Variants in LHFPL3 observed in about 807,000 individuals in gnomAD.
LHFPL3 encodes the protein LHFPL tetraspan subfamily member 3 protein.
Under a neutral mutation model 19.3 loss-of-function variants are expected in LHFPL3, and 5 were observed. That is an observed-to-expected ratio of 0.26 (90% CI 0.14 to 0.54). The LOEUF (loss-of-function observed/expected upper bound fraction) is 0.54, where lower values mean the gene tolerates loss of function less well. Among genes scored for constraint, LHFPL3 ranks in the 20% least tolerant of loss-of-function variants. LHFPL3 has a pLI of 0.94. For synonymous variants in LHFPL3, 133 were observed against 126.2 expected, an observed-to-expected ratio of 1.05 and a Z score of -0.36; for missense variants, 249 against 307.4, an observed-to-expected ratio of 0.81 and a Z score of 1.42.
chr7:104,614,385 C>A (rs537634885), intron 1 of LHFPL3, among the ~76,000 whole-genome samples: 3 of 152,198 alleles, frequency 2.0e-5, no homozygotes, highest in African/African-American at 7.2e-5. Context: ...TGATTTAATA[C>A]CTGTGTCCCT....
At chr7:104,430,434 A>ACATG (rs1562895281) in intron 1 of LHFPL3, among the ~76,000 whole-genome samples, 3 of 14,326 alleles carry the variant, frequency 2.1e-4, no homozygotes, top group African/African-American at 8.4e-4. Flanking sequence ...ATATATATAT[A>ACATG]TATATATATA....
chr7:104,843,121 G>T lies in LHFPL3; in HGVS notation c.683-63066G>T, dbSNP rs73417662. On this transcript the variant is annotated intron_variant, in intron 2 of 2. Coordinates refer to ENST00000424859, the MANE Select transcript of LHFPL3 (RefSeq NM_199000.3). ...CCCTTCCTGCAGCGTGGGGCAAGCT[G>T]TACTTGACATAGTGAGAGGCTGCCC... is the stretch of plus-strand genomic sequence containing the variant. 6.0e-3 allele frequency among the ~76,000 whole-genome samples: 910 copies of T among 152,330 alleles called. 13 individuals carry two copies. Among genetic ancestry groups the T allele is most frequent in the African/African-American group, 0.021 (876 of 41,560 alleles).
At chr7:104,442,627 T>C (rs1562898938) in intron 1 of LHFPL3, among the ~76,000 whole-genome samples, 1 of 152,242 alleles carries the variant, frequency 6.6e-6, no homozygotes, top group Non-Finnish European at 1.5e-5. Flanking sequence ...GATGATTCTC[T>C]GAATATTTCT....
At chr7:104,833,171 T>C (rs1486623835) in intron 2 of LHFPL3, among the ~76,000 whole-genome samples, 1 of 105,354 alleles carries the variant, frequency 9.5e-6, no homozygotes, top group African/African-American at 3.8e-5. Context: ...TTGTGGGAAC[T>C]TGTGATCATG....
intron 1 of LHFPL3, among the ~76,000 whole-genome samples, chr7:104,522,960 C>CTA (rs898628354): frequency 6.8e-5 from 9 of 132,276 alleles, no homozygotes; most frequent in African/African-American, 2.3e-4. Context: ...CTGTCTCTCT[C>CTA]TCTATATATA....
intron 1 of LHFPL3, chr7:104,668,723 C>CT (rs925536235): frequency 1.3e-6 from 2 of 1,577,618 alleles, no homozygotes; most frequent in East Asian, 2.3e-5. Context: ...GAGGTCCCCC[C>CT]CCCCCCAAAG....
At chr7:104,430,857 T>C (rs1022369763) in intron 1 of LHFPL3, among the ~76,000 whole-genome samples, 3 of 152,074 alleles carry the variant, frequency 2.0e-5, no homozygotes, top group Admixed American at 1.3e-4. Flanking sequence ...TCTTTGCAGG[T>C]GCATAATGTG....
chr7:104,668,547 G>A (rs971789400), intron 1 of LHFPL3: 2 of 1,613,134 alleles, frequency 1.2e-6, no homozygotes, highest in Non-Finnish European at 1.7e-6. Context: ...TAGAGGCTAT[G>A]ATTCCCGGAT....
chr7:104,608,957 T>C (rs867362631), intron 1 of LHFPL3, among the ~76,000 whole-genome samples: 6 of 152,102 alleles, frequency 3.9e-5, no homozygotes, highest in Admixed American at 1.3e-4. Flanking sequence ...GCCTGCAATA[T>C]AGTAAGTGCC....
chr7:104,704,838 G>A (rs1188483792), intron 1 of LHFPL3, among the ~76,000 whole-genome samples: 1 of 152,004 alleles, frequency 6.6e-6, no homozygotes, highest in Non-Finnish European at 1.5e-5. Context: ...GTCTCACTTT[G>A]TTGCCCAGGC....
chr7:104,750,215 A>T (rs954093175), intron 2 of LHFPL3, among the ~76,000 whole-genome samples: 1 of 152,136 alleles, frequency 6.6e-6, no homozygotes, highest in African/African-American at 2.4e-5. Context: ...TGTTTAGGCC[A>T]ATTTTTTGGC....
chr7:104,530,291 TG>T (rs1394342503), intron 1 of LHFPL3, among the ~76,000 whole-genome samples: 1 of 152,224 alleles, frequency 6.6e-6, no homozygotes, highest in African/African-American at 2.4e-5. Flanking sequence ...TACTTTTCAG[TG>T]ACTCAAATAT....
chr7:104,781,065 T>C (rs1294096011), intron 2 of LHFPL3, among the ~76,000 whole-genome samples: 1 of 151,772 alleles, frequency 6.6e-6, no homozygotes, highest in African/African-American at 2.4e-5. Context: ...CTCTGTCCTC[T>C]TTGAGTCTAC....
chr7:104,543,022 A>G (rs1794516995), intron 1 of LHFPL3, among the ~76,000 whole-genome samples: 1 of 152,162 alleles, frequency 6.6e-6, no homozygotes, highest in African/African-American at 2.4e-5. Context: ...TGAAGCTGGA[A>G]ACCATCATCC....
chr7:104,617,767 A>G (rs146817156), intron 1 of LHFPL3, among the ~76,000 whole-genome samples: 33 of 152,324 alleles, frequency 2.2e-4, no homozygotes, highest in African/African-American at 7.2e-4. Flanking sequence ...TTTCTTTAAT[A>G]TATTCATGGA....
At chr7:104,797,669 T>A (rs1159236102) in intron 2 of LHFPL3, among the ~76,000 whole-genome samples, 6 of 151,864 alleles carry the variant, frequency 4.0e-5, no homozygotes. Context: ...ATCCCAGCAC[T>A]TTGGGAGGCT....
intron 1 of LHFPL3, among the ~76,000 whole-genome samples, chr7:104,491,623 C>A (rs1453367332): frequency 3.9e-5 from 6 of 152,042 alleles, no homozygotes; most frequent in Non-Finnish European, 8.8e-5. Context: ...GCTGATTGAC[C>A]AGCCACTCTA....
chr7:104,736,770 C>T lies in LHFPL3; in HGVS notation c.541C>T (p.Leu181Phe). The T allele has an allele frequency of 6.2e-7, 1 of 1,613,742 alleles. No homozygotes were observed. The highest frequency in any genetic ancestry group is 8.5e-7 in the Non-Finnish European group (1 of 1,179,824). Residue 181 changes from leucine (L) to phenylalanine (F), a missense_variant, in exon 2 of 3, where the codon CTT becomes TTT. Coordinates refer to ENST00000424859, the MANE Select transcript of LHFPL3 (RefSeq NM_199000.3). ...TGGAGAAAAGACAGACAAGTACACT[C>T]TTGGGGCTTGCTCAGTCCGCTGGGC... ...MCGEKTDKYT[L>F]GACSVRWAYI... is the part of the protein sequence containing the mutation.
chr7:104,589,737 G>C (rs1335320221), intron 1 of LHFPL3, among the ~76,000 whole-genome samples: 1 of 152,080 alleles, frequency 6.6e-6, no homozygotes, highest in Non-Finnish European at 1.5e-5. Flanking sequence ...GAATCCATCT[G>C]GTCCTGGACT....
Sources: gnomAD v4.1 joint callset for allele counts (sites outside exome capture counted in the v4.1 genomes callset) on GRCh38, gnomAD v4.1.1 for gene constraint, MANE v1.5 for transcripts, NCBI Gene and HGNC (gene_info 2026-07-23, HGNC 2026-07-21) for gene names.